Variants in SLCO2A1 observed in about 807,000 individuals in gnomAD.
SLCO2A1 encodes solute carrier organic anion transporter family member 2A1, also known as matrin F/G 1.
A neutral mutation model predicts 71.7 loss-of-function variants in SLCO2A1; 60 were observed. That is an observed-to-expected ratio of 0.84 (90% CI 0.68 to 1.04). The LOEUF (loss-of-function observed/expected upper bound fraction) is 1.04, where lower values mean the gene tolerates loss of function less well. Among genes scored for constraint, SLCO2A1 ranks in the 50% least tolerant of loss-of-function variants. The pLI is 0.00. For synonymous variants in SLCO2A1, 308 were observed against 326.7 expected (o/e 0.94, Z 0.62); for missense variants, 745 against 813.4 (o/e 0.92, Z 1.02).
At chr3:133,962,245 A>C (rs34390758) in intron 3 of SLCO2A1, among the ~76,000 whole-genome samples, 34,624 of 151,898 alleles carry the variant, frequency 0.23, 4,156 homozygotes, top group East Asian at 0.32. Context: ...ACGCCCAGCA[A>C]ATTTTTGTAT....
At chr3:133,973,452 G>A (rs1934375760) in intron 3 of SLCO2A1, among the ~76,000 whole-genome samples, 1 of 152,198 alleles carries the variant, frequency 6.6e-6, no homozygotes, top group African/African-American at 2.4e-5. Flanking sequence ...TGAAGCACAG[G>A]GAATCACAGC....
intron 1 of SLCO2A1, 134 bp downstream of exon 1, chr3:134,029,573 T>C: frequency 1.6e-6 from 1 of 616,924 alleles, no homozygotes; most frequent in Non-Finnish European, 2.7e-6. Context: ...CGCCCGGGGA[T>C]GAGATCGGAG....
At chr3:133,999,353 T>G (rs1935052777) in intron 1 of SLCO2A1, among the ~76,000 whole-genome samples, 2 of 152,202 alleles carry the variant, frequency 1.3e-5, no homozygotes, top group South Asian at 4.1e-4. Context: ...TATCAGGGGC[T>G]GTGTGTGAGT....
intron 2 of SLCO2A1, among the ~76,000 whole-genome samples, chr3:133,976,118 A>T (rs1336694505): frequency 6.6e-6 from 1 of 152,238 alleles, no homozygotes; most frequent in Admixed American, 6.5e-5. Context: ...AGGAGGACAT[A>T]GTTGCCCAGG....
At chr3:133,966,856 C>T (rs1019453038) in intron 3 of SLCO2A1, among the ~76,000 whole-genome samples, 1 of 152,200 alleles carries the variant, frequency 6.6e-6, no homozygotes, top group Admixed American at 6.5e-5. Context: ...GCAGAAAGTT[C>T]CTCCCTGTCT....
Position 134,029,919 on chromosome 3 carries a change from G to C in SLCO2A1, c.-117C>G, listed in dbSNP as rs144331408. 17,011 of 462,492 alleles carry C rather than the reference G, an allele frequency of 0.037. 575 individuals are homozygous for C. The highest frequency in any genetic ancestry group is 0.15 in the East Asian group (3,835 of 25,078). The allele number at this position is 462,492 out of a possible 1,614,324, so 28.6% of individuals were successfully genotyped here. On this transcript the variant is annotated 5_prime_UTR_variant, in exon 1 of 14. Transcript: ENST00000310926. ...AGTGGCCGGAGGAGATTCGCGGAGC[G>C]GAGACTGAGCCAGCGAGTGCGCGCC...
chr3:133,993,589 A>G (rs937890876), intron 1 of SLCO2A1, among the ~76,000 whole-genome samples: 2 of 152,240 alleles, frequency 1.3e-5, no homozygotes, highest in Non-Finnish European at 2.9e-5. Flanking sequence ...AAACATAATT[A>G]TCACGGATAT....
At chr3:134,009,550 A>C (rs541541038) in intron 1 of SLCO2A1, among the ~76,000 whole-genome samples, 2 of 152,360 alleles carry the variant, frequency 1.3e-5, no homozygotes, top group South Asian at 4.1e-4. Flanking sequence ...GTTTCCATTT[A>C]TTCTTTCACT....
At chr3:133,954,153 CTTTTTT>C (rs60871049) in intron 4 of SLCO2A1, among the ~76,000 whole-genome samples, 3 of 60,894 alleles carry the variant, frequency 4.9e-5, no homozygotes, top group Non-Finnish European at 7.0e-5. Context: ...GTGGTGTGTT[CTTTTTT>C]TTTTTTTTTT....
chr3:134,021,502 G>A (rs187291751), intron 1 of SLCO2A1, among the ~76,000 whole-genome samples: 24 of 152,016 alleles, frequency 1.6e-4, no homozygotes, highest in Non-Finnish European at 2.1e-4. Flanking sequence ...TAGACCCCCC[G>A]CCCCCAACAC....
intron 6 of SLCO2A1, chr3:133,950,819 C>T: frequency 3.5e-6 from 1 of 287,188 alleles, no homozygotes; most frequent in Admixed American, 4.8e-5. Context: ...TCCCTTCCTA[C>T]TCAGTTTTTC....
chr3:133,994,586 T>C (rs1230613354), intron 1 of SLCO2A1, among the ~76,000 whole-genome samples: 1 of 152,244 alleles, frequency 6.6e-6, no homozygotes, highest in Non-Finnish European at 1.5e-5. Context: ...ATGTTGATGG[T>C]GTCTGGGTTC....
At chr3:134,011,561 G>T (rs1270457596) in intron 1 of SLCO2A1, among the ~76,000 whole-genome samples, 1 of 152,328 alleles carries the variant, frequency 6.6e-6, no homozygotes, top group East Asian at 1.9e-4. Context: ...TCCAGAGGTG[G>T]AGTAGTTGCC....
chr3:133,960,285 C>A lies in SLCO2A1; in HGVS notation c.398-5092G>T, dbSNP rs142666076. ...ATTCAGAGCACTATCTTCCTGATAG[C>A]CAAAAGTTAGAAACAGCCCAAATAT... On this transcript the variant is annotated intron_variant, in intron 3 of 13. Transcript: ENST00000310926. 9.1e-4 allele frequency among the ~76,000 whole-genome samples: 138 copies of A among 152,192 alleles called. 1 individual carries two copies. The highest frequency in any genetic ancestry group is 3.2e-3 in the African/African-American group (133 of 41,520).
rs60543379 is a variant in SLCO2A1 at position 133,941,324 on chromosome 3, C to A, written c.1625+1281G>T. ...TGATAATTAACCAATATGTAGAACA[C>A]CTTATATTTACAAAGCAATTTACCA... is the stretch of plus-strand genomic sequence containing the variant. On this transcript the variant is annotated intron_variant, in intron 11 of 13. Transcript: ENST00000310926. Among the ~76,000 whole-genome samples, 589 of 152,206 alleles carry A rather than the reference C, an allele frequency of 3.9e-3. 4 individuals are homozygous for A. The highest frequency in any genetic ancestry group is 0.014 in the Middle Eastern group (4 of 294).
intron 11 of SLCO2A1, among the ~76,000 whole-genome samples, chr3:133,941,354 A>G (rs1255252189): frequency 2.0e-5 from 3 of 152,176 alleles, no homozygotes; most frequent in African/African-American, 7.2e-5. Flanking sequence ...TTACCATATA[A>G]TCCTGACACC....
intron 3 of SLCO2A1, among the ~76,000 whole-genome samples, chr3:133,960,723 T>C (rs1001833751): frequency 1.3e-5 from 2 of 152,212 alleles, no homozygotes; most frequent in African/African-American, 4.8e-5. Context: ...ATATATATTT[T>C]GCCACAATTT....
chr3:133,940,784 C>A (rs1162185003), intron 11 of SLCO2A1, among the ~76,000 whole-genome samples: 2 of 152,182 alleles, frequency 1.3e-5, no homozygotes, highest in Non-Finnish European at 2.9e-5. Context: ...CATCCCTGCA[C>A]CTTCTTGCTG....
At position 133,944,086 on chromosome 3, in the gene SLCO2A1, C is replaced by T. The variant is rs950524309; in HGVS notation, c.1461+1009G>A. On this transcript the variant is annotated intron_variant, in intron 10 of 13. Transcript: ENST00000310926. ...CGGCCTTTTCTCTTCTTTCCTACAG[C>T]ATGCCCAGTACATTCATGCCCTTGG... is the stretch of plus-strand genomic sequence containing the variant. 4.6e-5 allele frequency among the ~76,000 whole-genome samples: 7 copies of T among 152,244 alleles called. No homozygotes were observed. In the South Asian group the frequency reaches 1.0e-3, roughly 23 times the overall value.
Sources: allele counts gnomAD v4.1 joint callset (sites outside exome capture counted in the v4.1 genomes callset), GRCh38; gene constraint gnomAD v4.1.1; transcripts MANE v1.5; gene names NCBI Gene and HGNC (gene_info 2026-07-23, HGNC 2026-07-21).